The following BARX2 variants were observed in gnomAD, a reference collection of about 807,000 sequenced individuals.
The protein encoded by BARX2 is BARX homeobox 2, also known as homeobox protein BarH-like 2.
In BARX2, 11 loss-of-function variants were observed where a neutral mutation model predicts 25.5. The observed-to-expected ratio is 0.43, with a 90% CI of 0.27 to 0.71. BARX2 has a LOEUF of 0.71. Ranked by LOEUF, BARX2 falls within the 30% of genes least tolerant of loss-of-function variation. The pLI is 0.19. For missense variants in BARX2, 360 were observed against 359.9 expected (o/e 1.00, Z 0.00); for synonymous variants, 137 against 149.5 (o/e 0.92, Z 0.61).
Position 129,376,069 on chromosome 11 carries a change from C to G in BARX2, c.34C>G (p.Pro12Ala). The change falls in exon 1 of 4, where the codon CCC (proline) becomes GCC (alanine). Residue 12 changes from proline (P) to alanine (A), a missense_variant. Transcript: ENST00000281437. The surrounding 1 kb of genome is among the most constrained non-coding windows in gnomAD (Gnocchi z 4.2). ...HCHAELRLSS[P>A]GQLKAARRRY... ...CCACGCCGAGCTGAGGCTGAGCTCGCCCGGCCAGCTCAAAGCAGCCAGGCG... is the reference window on the plus strand; with the variant it reads ...CCACGCCGAGCTGAGGCTGAGCTCGGCCGGCCAGCTCAAAGCAGCCAGGCG... 6.2e-7 allele frequency: 1 copy of G among 1,605,782 alleles called. No individual in the cohort carries two copies. The highest frequency in any genetic ancestry group is 8.5e-7 in the Non-Finnish European group (1 of 1,176,796).
intron 1 of BARX2, among the ~76,000 whole-genome samples, chr11:129,432,768 T>A (rs1208223595): frequency 6.6e-6 from 1 of 152,152 alleles, no homozygotes; most frequent in African/African-American, 2.4e-5. Flanking sequence ...CTTTCCTTTT[T>A]AAAAAATTTT....
chr11:129,407,139 C>T (rs78031899), intron 1 of BARX2, among the ~76,000 whole-genome samples: 1 of 152,150 alleles, frequency 6.6e-6, no homozygotes, highest in African/African-American at 2.4e-5. Flanking sequence ...TGCTGTAGAG[C>T]CTTCACCCAC....
At chr11:129,424,053 T>C (rs1236482775) in intron 1 of BARX2, among the ~76,000 whole-genome samples, 2 of 152,196 alleles carry the variant, frequency 1.3e-5, no homozygotes, top group African/African-American at 4.8e-5. Flanking sequence ...TTTCACTATA[T>C]TGGTGAGGCT....
intron 1 of BARX2, among the ~76,000 whole-genome samples, chr11:129,430,476 G>A (rs1431858013): frequency 6.6e-6 from 1 of 151,990 alleles, no homozygotes; most frequent in African/African-American, 2.4e-5. Flanking sequence ...GTTTTGAATT[G>A]TTTTAAATTT....
At chr11:129,402,227 G>A (rs563923819) in intron 1 of BARX2, among the ~76,000 whole-genome samples, 1 of 152,020 alleles carries the variant, frequency 6.6e-6, no homozygotes, top group African/African-American at 2.4e-5. Flanking sequence ...CTGCAGCTTT[G>A]GGGGCACAGA....
intron 3 of BARX2, among the ~76,000 whole-genome samples, chr11:129,449,405 T>C (rs987028680): frequency 1.4e-5 from 2 of 139,950 alleles, no homozygotes; most frequent in African/African-American, 2.7e-5. Flanking sequence ...TATACAAATA[T>C]AGAAGACAAG....
intron 1 of BARX2, among the ~76,000 whole-genome samples, chr11:129,378,623 A>G (rs896689690): frequency 7.0e-6 from 1 of 142,838 alleles, no homozygotes; most frequent in Non-Finnish European, 1.5e-5. Flanking sequence ...TGGTGGAAGC[A>G]ATGCATAAAA....
At chr11:129,446,920 C>G (rs1591450632) in intron 3 of BARX2, among the ~76,000 whole-genome samples, 1 of 152,124 alleles carries the variant, frequency 6.6e-6, no homozygotes, top group South Asian at 2.1e-4. Context: ...CAGAGAGAGA[C>G]AGAGAAAAAG....
chr11:129,419,708 G>A (rs532007956), intron 1 of BARX2, among the ~76,000 whole-genome samples: 1 of 152,150 alleles, frequency 6.6e-6, no homozygotes, highest in Admixed American at 6.5e-5. Context: ...GTCTTGTGGA[G>A]CCTCTCTGCT....
intron 1 of BARX2, among the ~76,000 whole-genome samples, chr11:129,426,500 GT>G (rs1862064654): frequency 6.6e-6 from 1 of 151,930 alleles, no homozygotes; most frequent in Non-Finnish European, 1.5e-5. Flanking sequence ...AGCCTCACAA[GT>G]AGCTGGGATT....
chr11:129,401,311 T>A (rs538340604), intron 1 of BARX2, among the ~76,000 whole-genome samples: 1 of 152,356 alleles, frequency 6.6e-6, no homozygotes, highest in South Asian at 2.1e-4. Flanking sequence ...CTTGACCACC[T>A]GTTTTTTAGC....
chr11:129,375,618 C>A (rs543167063), upstream of BARX2, among the ~76,000 whole-genome samples: 11 of 151,972 alleles, frequency 7.2e-5, no homozygotes, highest in African/African-American at 2.7e-4. The surrounding 1 kb of genome is among the most constrained non-coding windows in gnomAD (Gnocchi z 4.0). Context: ...CCAAAACGAG[C>A]GTCTTAAAAT....
At chr11:129,384,095 A>T (rs1827876838) in intron 1 of BARX2, among the ~76,000 whole-genome samples, 2 of 152,082 alleles carry the variant, frequency 1.3e-5, no homozygotes, top group Admixed American at 1.3e-4. Flanking sequence ...GCTGGTCTCA[A>T]ATTCCCAACC....
At chr11:129,380,838 G>A (rs1225114239) in intron 1 of BARX2, among the ~76,000 whole-genome samples, 4 of 150,902 alleles carry the variant, frequency 2.7e-5, no homozygotes, top group East Asian at 3.9e-4. Context: ...TTCCAATAGC[G>A]GGATCTTGGC....
At chr11:129,379,183 C>T (rs907780872) in intron 1 of BARX2, among the ~76,000 whole-genome samples, 1 of 152,168 alleles carries the variant, frequency 6.6e-6, no homozygotes. Context: ...AAAGGGAATC[C>T]TTTCCCTGTA....
chr11:129,445,041 A>AAAT lies in BARX2; in HGVS notation c.573+2125_573+2127dup, dbSNP rs1261288506. Among the ~76,000 whole-genome samples, 11 of 152,140 alleles carry AAAT rather than the reference A, an allele frequency of 7.2e-5. 2 individuals are homozygous for AAAT. In the East Asian group the frequency reaches 2.1e-3, roughly 29 times the overall value. Reference sequence around the variant, plus strand: ...AATAAATAAATAAATAATAAAAATAAAATAAAAAACCAAGAAATTGAAGGA... The same window carrying AAAT: ...AATAAATAAATAAATAATAAAAATAAAATAATAAAAAACCAAGAAATTGAAGGA... On this transcript the variant is annotated intron_variant, in intron 3 of 3. Transcript: ENST00000281437.
intron 1 of BARX2, among the ~76,000 whole-genome samples, chr11:129,408,755 C>A (rs1861857629): frequency 6.6e-6 from 1 of 152,124 alleles, no homozygotes; most frequent in African/African-American, 2.4e-5. Flanking sequence ...AGTATTTACC[C>A]CAAGTCATGA....
At chr11:129,384,364 A>G (rs1861598969) in intron 1 of BARX2, among the ~76,000 whole-genome samples, 1 of 152,144 alleles carries the variant, frequency 6.6e-6, no homozygotes, top group Non-Finnish European at 1.5e-5. Context: ...AATTTCATGA[A>G]ATAGTGGCTA....
rs943585283 is a variant in BARX2 at position 129,376,622 on chromosome 11, C to T, written c.187+400C>T. Among the ~76,000 whole-genome samples, 3 of 152,244 alleles carry T rather than the reference C, an allele frequency of 2.0e-5. No individual in the cohort carries two copies. Among genetic ancestry groups the T allele is most frequent in the African/African-American group, 7.2e-5 (3 of 41,466 alleles). ...GGCCTTGCATCTCACCTTGAGTTAA[C>T]TTGTCCAGCCTCCTACTGTCTCCAC... On this transcript the variant is annotated intron_variant, in intron 1 of 3. Coordinates refer to ENST00000281437, the MANE Select transcript of BARX2 (RefSeq NM_003658.5). This position sits in a 1 kb window ranked among gnomAD's most constrained non-coding sequence, Gnocchi z 4.2.
Sources: allele counts gnomAD v4.1 joint callset (sites outside exome capture counted in the v4.1 genomes callset), GRCh38; gene constraint gnomAD v4.1.1; non-coding constraint Gnocchi (gnomAD v3.1); transcripts MANE v1.5; gene names NCBI Gene and HGNC (gene_info 2026-07-23, HGNC 2026-07-21).